The following ELOVL4 variants were observed in gnomAD, a reference collection of about 807,000 sequenced individuals.
ELOVL4 encodes ELOVL fatty acid elongase 4.
A neutral mutation model predicts 42.1 loss-of-function variants in ELOVL4; 18 were observed. The observed-to-expected ratio is 0.43, with a 90% CI of 0.30 to 0.63. The LOEUF is 0.63. Among genes scored for constraint, ELOVL4 ranks in the 30% least tolerant of loss-of-function variants. The probability of loss-of-function intolerance (pLI) is 0.15; values close to 1 mark genes in which losing one functional copy is unlikely to be tolerated. For synonymous variants in ELOVL4, 117 were observed against 127.0 expected, an observed-to-expected ratio of 0.92 and a Z score of 0.53; for missense variants, 299 against 376.2, an observed-to-expected ratio of 0.79 and a Z score of 1.70.
At chr6:79,931,641 G>A (rs995170742) in intron 1 of ELOVL4, among the ~76,000 whole-genome samples, 2 of 152,158 alleles carry the variant, frequency 1.3e-5, no homozygotes, top group Non-Finnish European at 2.9e-5. Context: ...GCAGACTTGG[G>A]CCAGGATCAT....
chr6:79,947,471 GA>G lies in ELOVL4; in HGVS notation c.-193del. On this transcript the variant is annotated 5_prime_UTR_variant, in exon 1 of 6. Transcript: ENST00000369816. ...ATGCGGCAGAAGGCAGGGCCAAGCG[GA>G]AGGCGTCGTCAAGGTTCCCGGGAGA... The G allele has an allele frequency of 1.6e-6, 1 of 611,934 alleles. No homozygotes were observed. The highest frequency in any genetic ancestry group is 2.7e-5 in the Admixed American group (1 of 37,002). 37.9% of individuals were successfully genotyped at this position (611,934 alleles called of 1,614,324 possible). A position where few individuals can be genotyped will look rare whatever the true frequency, so the allele number is the denominator to read the frequency against.
chr6:79,936,840 A>C (rs1774551886), intron 1 of ELOVL4, among the ~76,000 whole-genome samples: 1 of 152,148 alleles, frequency 6.6e-6, no homozygotes. Context: ...TCTGAGACAC[A>C]CTCTAGAAAC....
chr6:79,932,119 T>C (rs1582051316), intron 1 of ELOVL4, among the ~76,000 whole-genome samples: 1 of 152,236 alleles, frequency 6.6e-6, no homozygotes, highest in South Asian at 2.1e-4. Flanking sequence ...ATTTAATGTG[T>C]TCAGCAATCA....
intron 1 of ELOVL4, among the ~76,000 whole-genome samples, chr6:79,935,176 C>G (rs1774522856): frequency 6.6e-6 from 1 of 152,110 alleles, no homozygotes; most frequent in Non-Finnish European, 1.5e-5. Flanking sequence ...ACACAAACAA[C>G]TATAATTAAT....
rs1239006894 is a variant in ELOVL4, at chr6:79,947,196, C to G, written c.84G>C (p.Trp28Cys). Residue 28 changes from tryptophan (W) to cysteine (C), a missense_variant, in exon 1 of 6, where the codon TGG becomes TGC. By Grantham distance (215) the Trp-to-Cys change is radical. Coordinates refer to ENST00000369816, the MANE Select transcript of ELOVL4 (RefSeq NM_022726.4). ...ALNDTVEFYR[W>C]TWSIADKRVE... ...CGGCTTTACCTGCGATGGACCAGGT[C>G]CAGCGGTAGAACTCTACCGTGTCGT... 1.4e-5 allele frequency: 23 copies of G among 1,612,664 alleles called. No individual in the cohort carries two copies. Among genetic ancestry groups the G allele is most frequent in the Non-Finnish European group, 2.0e-5 (23 of 1,179,356 alleles).
At position 79,916,902 on chromosome 6, in the gene ELOVL4, A is replaced by G. The variant is rs1269452656; in HGVS notation, c.670-19T>C. On this transcript the variant is annotated intron_variant, in intron 5 of 5. Transcript: ENST00000369816. Reference sequence around the variant, plus strand: ...ATTGAATCTGAAAAACAGAAATGACAGCACAAAACATTTAATCTGAATAGT... The same window carrying G: ...ATTGAATCTGAAAAACAGAAATGACGGCACAAAACATTTAATCTGAATAGT... 1 of 1,613,898 alleles carries G rather than the reference A, an allele frequency of 6.2e-7. No individual in the cohort carries two copies. Among genetic ancestry groups the G allele is most frequent in the East Asian group, 2.2e-5 (1 of 44,874 alleles).
intron 1 of ELOVL4, among the ~76,000 whole-genome samples, chr6:79,934,368 A>G (rs988369904): frequency 2.5e-4 from 38 of 152,136 alleles, no homozygotes; most frequent in African/African-American, 7.7e-4. Context: ...ATAGCTGGAA[A>G]ACCAACTGTT....
At position 79,945,567 on chromosome 6, in the gene ELOVL4, G is replaced by A. The variant is rs549282979; in HGVS notation, c.100+1613C>T. 1.2e-4 allele frequency among the ~76,000 whole-genome samples: 18 copies of A among 152,294 alleles called. No homozygotes were observed. In the East Asian group the frequency reaches 3.5e-3, roughly 29 times the overall value. ...ATGACAGGACCGAGAACTCCTGGGT[G>A]TGGCTCTGGCTATATGGAGACTGGA... On this transcript the variant is annotated intron_variant, in intron 1 of 5. Coordinates refer to ENST00000369816, the MANE Select transcript of ELOVL4 (RefSeq NM_022726.4).
intron 1 of ELOVL4, among the ~76,000 whole-genome samples, chr6:79,937,986 C>T (rs1364883940): frequency 1.3e-5 from 2 of 152,214 alleles, no homozygotes; most frequent in Non-Finnish European, 2.9e-5. Flanking sequence ...GCCTCGGCCT[C>T]CCAAAGTGCT....
At position 79,921,740 on chromosome 6, in the gene ELOVL4, T is replaced by C. The variant is rs769854532; in HGVS notation, c.426A>G (p.Thr142=). 2.5e-6 allele frequency: 4 copies of C among 1,614,104 alleles called. No individual in the cohort carries two copies. Among genetic ancestry groups the C allele is most frequent in the Admixed American group, 3.3e-5 (2 of 60,014 alleles). ...TTTTCTTTCTCAGAATAAAAAACAC[T>C]GTGTCCAAATACTCAACTCCTTTAG... ...FVSKGVEYLD[T]VFFILRKKNN... The change falls in exon 4 of 6, where the codon ACA becomes ACG. Residue 142 remains threonine (T), a synonymous_variant. Transcript: ENST00000369816.
intron 1 of ELOVL4, among the ~76,000 whole-genome samples, chr6:79,945,246 G>C (rs1187481757): frequency 6.6e-6 from 1 of 152,198 alleles, no homozygotes. Context: ...TCAAAGCATA[G>C]GCAAATACCT....
At chr6:79,917,601 A>G (rs1774183128) in intron 5 of ELOVL4, among the ~76,000 whole-genome samples, 1 of 152,138 alleles carries the variant, frequency 6.6e-6, no homozygotes, top group Admixed American at 6.5e-5. Context: ...GGGTGGATCA[A>G]CTGAGGTCAG....
intron 1 of ELOVL4, among the ~76,000 whole-genome samples, chr6:79,930,483 T>C (rs1467476690): frequency 6.6e-6 from 1 of 152,226 alleles, no homozygotes; most frequent in Admixed American, 6.5e-5. Flanking sequence ...ATACTAGTTA[T>C]GTTTGTTTTT....
rs1437951190 is a variant in ELOVL4 at position 79,924,962 on chromosome 6, T to C, written c.359A>G (p.His120Arg). 3 of 1,601,196 alleles carry C rather than the reference T, an allele frequency of 1.9e-6. No homozygotes were observed. The highest frequency in any genetic ancestry group is 1.7e-5 in the Admixed American group (1 of 59,992). Reference sequence around the variant, plus strand: ...TTTTAATGTACTTACCCTGACTTCATGAACATTATTAGAATAATCCACACT... The same window carrying C: ...TTTTAATGTACTTACCCTGACTTCACGAACATTATTAGAATAATCCACACT... ...CQSVDYSNNV[H>R]EVRIAAALWW... The change falls in exon 3 of 6, where the codon CAT (histidine) becomes CGT (arginine). Residue 120 changes from histidine (H) to arginine (R), a missense_variant. Transcript: ENST00000369816.
In ELOVL4 at chr6:79,947,352, G is replaced by A; in HGVS notation, c.-73C>T. On this transcript the variant is annotated 5_prime_UTR_variant, in exon 1 of 6. Transcript: ENST00000369816. ...GAGAGGGCTGACCCCGGAGGCGGTG[G>A]CGGCCGACGGGGCGAGCGGCGGCCG... 8.1e-7 allele frequency: 1 copy of A among 1,233,976 alleles called. No homozygotes were observed. The allele number at this position is 1,233,976 out of a possible 1,614,324, so 76.4% of individuals were successfully genotyped here.
intron 1 of ELOVL4, among the ~76,000 whole-genome samples, chr6:79,941,238 G>A (rs537424670): frequency 3.3e-4 from 50 of 152,260 alleles, no homozygotes; most frequent in Non-Finnish European, 5.6e-4. Context: ...TTAATTTACA[G>A]AGAACAATGC....
intron 1 of ELOVL4, among the ~76,000 whole-genome samples, chr6:79,926,754 G>A (rs1244092265): frequency 1.3e-5 from 2 of 152,130 alleles, no homozygotes; most frequent in African/African-American, 2.4e-5. Context: ...TATTATACAC[G>A]TGAAATTTAT....
intron 1 of ELOVL4, among the ~76,000 whole-genome samples, chr6:79,936,174 A>T (rs1774539354): frequency 6.6e-6 from 1 of 152,212 alleles, no homozygotes; most frequent in East Asian, 1.9e-4. Flanking sequence ...ACCATAAAAA[A>T]AGAAGAACAC....
intron 5 of ELOVL4, among the ~76,000 whole-genome samples, chr6:79,919,009 A>T (rs1047588437): frequency 4.6e-5 from 7 of 152,244 alleles, no homozygotes; most frequent in African/African-American, 1.7e-4. Flanking sequence ...ATGAAATAAA[A>T]AACAAAATTT....
Sources: allele counts gnomAD v4.1 joint callset (sites outside exome capture counted in the v4.1 genomes callset), GRCh38; gene constraint gnomAD v4.1.1; transcripts MANE v1.5; gene names NCBI Gene and HGNC (gene_info 2026-07-23, HGNC 2026-07-21).